Variants in IFI27L1 observed in about 807,000 individuals in gnomAD.
IFI27L1 encodes the protein interferon alpha-inducible protein 27-like protein 1.
In IFI27L1, 3 loss-of-function variants were observed where a neutral mutation model predicts 9.2. The ratio of observed to expected loss-of-function variants is 0.32; its 90% CI spans 0.15 to 0.84. The LOEUF is 0.84. Ranked by LOEUF, IFI27L1 falls within the 40% of genes least tolerant of loss-of-function variation. The pLI, the probability that IFI27L1 is intolerant of heterozygous loss-of-function variation, is 0.56. For synonymous variants in IFI27L1, 53 were observed against 50.0 expected (o/e 1.06, Z -0.26); for missense variants, 133 against 134.2 (o/e 0.99, Z 0.05).
chr14:94,098,640 C>T (rs753771572), intron 2 of IFI27L1, among the ~76,000 whole-genome samples: 25 of 152,212 alleles, frequency 1.6e-4, no homozygotes, highest in African/African-American at 4.8e-4. Flanking sequence ...GAGCTGGGAA[C>T]GTTGAGGCCC....
At chr14:94,099,315 G>A (rs1886800423) in intron 2 of IFI27L1, among the ~76,000 whole-genome samples, 1 of 152,198 alleles carries the variant, frequency 6.6e-6, no homozygotes, top group South Asian at 2.1e-4. Flanking sequence ...ACTTGCTGGT[G>A]AGAGCAGGGG....
At chr14:94,097,738 G>A in intron 2 of IFI27L1, 1 of 701,140 alleles carries the variant, frequency 1.4e-6, no homozygotes, top group Non-Finnish European at 2.6e-6. Flanking sequence ...GAGTCAAGGA[G>A]GACTCCAGGC....
intron 2 of IFI27L1, chr14:94,100,305 C>T (rs1886844066): frequency 2.0e-6 from 2 of 985,256 alleles, no homozygotes; most frequent in African/African-American, 3.5e-5. Context: ...GCGCCTCTTC[C>T]TGGGGAGGTG....
At chr14:94,100,219 G>A in intron 2 of IFI27L1, 1 of 962,098 alleles carries the variant, frequency 1.0e-6, no homozygotes, top group Non-Finnish European at 1.2e-6. Context: ...TGAGCTAAAA[G>A]CTTCAAGAAA....
intron 3 of IFI27L1, 22 bp from the exon 4 acceptor site, chr14:94,101,792 C>A (rs1277753612): frequency 3.1e-6 from 5 of 1,613,924 alleles, no homozygotes; most frequent in Non-Finnish European, 3.4e-6. Context: ...TGGGGCCAAC[C>A]CCAAATCTCC....
chr14:94,101,047 C>T, intron 3 of IFI27L1: 1 of 587,394 alleles, frequency 1.7e-6, no homozygotes, highest in Non-Finnish European at 3.0e-6. Context: ...GCAGTCACAG[C>T]CCGGGATTCC....
chr14:94,094,072 C>G (rs187464162), intron 1 of IFI27L1, among the ~76,000 whole-genome samples: 14 of 152,184 alleles, frequency 9.2e-5, no homozygotes, highest in Admixed American at 8.5e-4. Context: ...AGCCCTGCAC[C>G]CCAACCCCAG....
intron 1 of IFI27L1, among the ~76,000 whole-genome samples, chr14:94,091,257 A>T (rs1375671523): frequency 1.3e-5 from 2 of 152,232 alleles, no homozygotes; most frequent in Non-Finnish European, 2.9e-5. Flanking sequence ...GATGACAAAA[A>T]GTTTTAGGAC....
chr14:94,089,612 G>A (rs73351229), intron 1 of IFI27L1, among the ~76,000 whole-genome samples: 34,484 of 151,982 alleles, frequency 0.23, 4,555 homozygotes, highest in East Asian at 0.43. Flanking sequence ...CCTATCTCCT[G>A]TCTCATCCTG....
At chr14:94,084,830 A>C (rs1456070642) in intron 1 of IFI27L1, among the ~76,000 whole-genome samples, 7 of 152,246 alleles carry the variant, frequency 4.6e-5, no homozygotes, top group Non-Finnish European at 7.3e-5. Flanking sequence ...CTCAGAAAGA[A>C]AAACAGGCAG....
intron 1 of IFI27L1, among the ~76,000 whole-genome samples, chr14:94,083,377 T>G (rs953944017): frequency 6.6e-6 from 1 of 152,232 alleles, no homozygotes; most frequent in Non-Finnish European, 1.5e-5. Flanking sequence ...TTTAGAATAT[T>G]TCGTAAACTT....
chr14:94,081,640 C>G (rs956677862), intron 1 of IFI27L1, among the ~76,000 whole-genome samples, 191 bp downstream of exon 1: 3 of 152,162 alleles, frequency 2.0e-5, no homozygotes, highest in African/African-American at 7.2e-5. Flanking sequence ...AGAGGACGAA[C>G]GCGTCCATCC....
At position 94,101,970 on chromosome 14, in the gene IFI27L1, C is replaced by A. The variant is rs537159389; in HGVS notation, c.218C>A (p.Ser73Ter). 6.2e-6 allele frequency: 10 copies of A among 1,614,222 alleles called. No homozygotes were observed. The African/African-American group carries it at 1.2e-4, about 19-fold the overall frequency. The change falls in exon 4 of 5, where the codon TCA (serine) becomes TAA (stop). Residue 73 changes from serine to a stop codon, truncating the protein, a stop_gained. Coordinates refer to ENST00000555523, the MANE Select transcript of IFI27L1 (RefSeq NM_206949.3). LOFTEE classifies it low-confidence loss of function (END_TRUNC). The stretch of plus-strand genomic sequence containing the variant: ...GGCAGTCTGGTGGCTATTCTGCAGT[C>A]AGTGGGTGAGTGTTCTGGACAGGAT... ...AAGSLVAILQ[S>*]VGAAGLSVTS...
intron 1 of IFI27L1, 78 bp from the exon 2 acceptor site, chr14:94,096,809 C>T: frequency 2.7e-6 from 2 of 747,590 alleles, no homozygotes; most frequent in Non-Finnish European, 4.7e-6. Context: ...TTTATAGTCC[C>T]AGGAGGGATG....
At chr14:94,092,437 G>T (rs1232344109) in intron 1 of IFI27L1, among the ~76,000 whole-genome samples, 2 of 152,080 alleles carry the variant, frequency 1.3e-5, no homozygotes, top group African/African-American at 4.8e-5. Context: ...CTTGAACCCG[G>T]GAGGTGGAGG....
chr14:94,083,125 A>G (rs940399849), intron 1 of IFI27L1, among the ~76,000 whole-genome samples: 2 of 152,242 alleles, frequency 1.3e-5, no homozygotes, highest in Non-Finnish European at 2.9e-5. Flanking sequence ...TCCAGTTCTC[A>G]TTGATGACTT....
At chr14:94,093,373 G>C (rs1886551565) in intron 1 of IFI27L1, among the ~76,000 whole-genome samples, 1 of 151,474 alleles carries the variant, frequency 6.6e-6, no homozygotes, top group Admixed American at 6.6e-5. Flanking sequence ...GGGTTTCACT[G>C]TGTTAGCCAG....
Sources: gnomAD v4.1 joint callset for allele counts (sites outside exome capture counted in the v4.1 genomes callset) on GRCh38, gnomAD v4.1.1 for gene constraint, MANE v1.5 for transcripts, NCBI Gene and HGNC (gene_info 2026-07-23, HGNC 2026-07-21) for gene names.